Variants in CCNYL1 observed in about 807,000 individuals in gnomAD.
CCNYL1 encodes the protein cyclin-Y-like protein 1.
A neutral mutation model predicts 44.2 loss-of-function variants in CCNYL1; 16 were observed. The ratio of observed to expected loss-of-function variants is 0.36; its 90% confidence interval spans 0.25 to 0.55. CCNYL1 has a LOEUF of 0.55. Ranked by LOEUF, CCNYL1 falls within the 20% of genes least tolerant of loss-of-function variation. CCNYL1 has a pLI of 0.85. For synonymous variants in CCNYL1, 159 were observed against 163.2 expected (o/e 0.97, Z 0.20); for missense variants, 348 against 451.8 (o/e 0.77, Z 2.08).
intron 1 of CCNYL1, among the ~76,000 whole-genome samples, chr2:207,712,910 G>T (rs1037717777): frequency 6.6e-6 from 1 of 152,220 alleles, no homozygotes; most frequent in East Asian, 1.9e-4. Flanking sequence ...CCGCCTCTCG[G>T]TTTCAAGCGA....
At chr2:207,729,250 G>GCCCCCCCCCCCCCCCCCCCCCCCCCCCC in intron 3 of CCNYL1, among the ~76,000 whole-genome samples, 1 of 68,202 alleles carries the variant, frequency 1.5e-5, no homozygotes, top group African/African-American at 8.8e-5. Flanking sequence ...ACTTGTCTCC[G>GCCCCCCCCCCCCCCCCCCCCCCCCCCCC]CCCCCCCCCG....
At chr2:207,724,530 A>C (rs1258359632) in intron 1 of CCNYL1, among the ~76,000 whole-genome samples, 1 of 152,192 alleles carries the variant, frequency 6.6e-6, no homozygotes, top group Non-Finnish European at 1.5e-5. Context: ...CATGCGTATG[A>C]TTCATCTAAC....
chr2:207,734,744 A>C (rs2091752464), intron 4 of CCNYL1, among the ~76,000 whole-genome samples: 3 of 151,960 alleles, frequency 2.0e-5, no homozygotes, highest in African/African-American at 7.3e-5. Context: ...ACTAGCTTAT[A>C]AACTTAATTT....
intron 5 of CCNYL1, among the ~76,000 whole-genome samples, chr2:207,739,671 T>C (rs535313952): frequency 6.6e-6 from 1 of 152,258 alleles, no homozygotes; most frequent in Non-Finnish European, 1.5e-5. Flanking sequence ...AGAATTACTT[T>C]ATGTGAACTT....
chr2:207,746,077 A>G (rs9636269), intron 7 of CCNYL1, among the ~76,000 whole-genome samples: 62,063 of 152,044 alleles, frequency 0.41, 14,689 homozygotes, highest in Non-Finnish European at 0.53. Flanking sequence ...GTAGATGTAA[A>G]ATAATTCATG....
chr2:207,711,745 G>A lies in CCNYL1; in HGVS notation c.-152G>A, dbSNP rs1245735155. 2.6e-6 allele frequency: 1 copy of A among 382,840 alleles called. No homozygotes were observed. Among genetic ancestry groups the A allele is most frequent in the African/African-American group, 2.1e-5 (1 of 47,030 alleles). 23.7% of individuals were successfully genotyped at this position (382,840 alleles called of 1,614,324 possible). On this transcript the variant is annotated 5_prime_UTR_variant, in exon 1 of 10. Coordinates refer to ENST00000295414, the MANE Select transcript of CCNYL1 (RefSeq NM_001330218.2). ...GCCGCGGGGCGGGCGGGCGAACCGC[G>A]GGCGAGGCGGCGTCTGCTTGCGCGG... is the stretch of plus-strand genomic sequence containing the variant.
intron 3 of CCNYL1, 81 bp downstream of exon 3, chr2:207,726,957 G>A (rs901000296): frequency 1.5e-5 from 15 of 990,466 alleles, no homozygotes; most frequent in Non-Finnish European, 2.9e-6. Flanking sequence ...AATATAATGG[G>A]GACCCAATAC....
At chr2:207,742,586 C>A (rs2091819684) in intron 7 of CCNYL1, among the ~76,000 whole-genome samples, 1 of 152,136 alleles carries the variant, frequency 6.6e-6, no homozygotes, top group Non-Finnish European at 1.5e-5. Context: ...TGGTTTCTCC[C>A]CCTACCCATC....
intron 7 of CCNYL1, among the ~76,000 whole-genome samples, chr2:207,743,328 GCCTGTGA>G (rs1273608661): frequency 6.6e-6 from 1 of 152,240 alleles, no homozygotes; most frequent in Non-Finnish European, 1.5e-5. Context: ...AGCTCTATGT[GCCTGTGA>G]GGTAGCAGTG....
intron 4 of CCNYL1, among the ~76,000 whole-genome samples, chr2:207,734,609 G>A (rs933933263): frequency 6.6e-6 from 1 of 152,204 alleles, no homozygotes; most frequent in Admixed American, 6.5e-5. Context: ...CTCCATTGGG[G>A]TTGTCAGGAA....
chr2:207,749,127 T>C (rs2091874958), intron 8 of CCNYL1, among the ~76,000 whole-genome samples: 1 of 152,114 alleles, frequency 6.6e-6, no homozygotes, highest in African/African-American at 2.4e-5. Context: ...TCAGGAGCAG[T>C]GGTGGCAGGG....
In CCNYL1 at chr2:207,755,679, G is replaced by C. The variant is rs2091927074; in HGVS notation, c.*1981G>C. The C allele has an allele frequency of 6.6e-6, 1 of 152,152 alleles. No homozygotes were observed. The highest frequency in any genetic ancestry group is 2.1e-4 in the South Asian group (1 of 4,834). 9.4% of individuals were successfully genotyped at this position (152,152 alleles called of 1,614,324 possible). On this transcript the variant is annotated 3_prime_UTR_variant, in exon 10 of 10. Transcript: ENST00000295414. ...GTTTTATCATCCTACATGCTACCAA[G>C]CTGTAGGTGTCCCATTAAGTCCTGC... is the stretch of plus-strand genomic sequence containing the variant.
intron 8 of CCNYL1, among the ~76,000 whole-genome samples, chr2:207,747,453 T>C (rs1401833368): frequency 6.6e-6 from 1 of 152,180 alleles, no homozygotes; most frequent in African/African-American, 2.4e-5. Context: ...TGTAATAATC[T>C]GCTTGATAAA....
intron 1 of CCNYL1, among the ~76,000 whole-genome samples, chr2:207,722,363 A>G (rs568689381): frequency 1.3e-4 from 19 of 151,826 alleles, no homozygotes; most frequent in Non-Finnish European, 2.6e-4. Context: ...ATGAGCCACC[A>G]TGCCCAGCCG....
At chr2:207,729,377 T>C (rs1228837747) in intron 3 of CCNYL1, among the ~76,000 whole-genome samples, 2 of 150,292 alleles carry the variant, frequency 1.3e-5, no homozygotes, top group Admixed American at 6.6e-5. Context: ...ATCTTTCATC[T>C]TTTTGAAGGT....
chr2:207,712,818 A>C (rs954812016), intron 1 of CCNYL1, among the ~76,000 whole-genome samples: 1 of 152,094 alleles, frequency 6.6e-6, no homozygotes, highest in African/African-American at 2.4e-5. Flanking sequence ...GGTGCAGACA[A>C]GTTGTTTTTT....
At chr2:207,732,607 G>A (rs2091736650) in intron 3 of CCNYL1, among the ~76,000 whole-genome samples, 1 of 150,624 alleles carries the variant, frequency 6.6e-6, no homozygotes, top group East Asian at 2.0e-4. Flanking sequence ...TTTTTTTTAA[G>A]TGTTAAAATT....
In CCNYL1 at chr2:207,719,049, CAAG is replaced by C. The variant is rs149458894; in HGVS notation, c.221-5750_221-5748del. 4.3e-3 allele frequency among the ~76,000 whole-genome samples: 632 copies of C among 147,694 alleles called. 13 individuals carry two copies. In the East Asian group the frequency reaches 0.047, roughly 11 times the overall value. On this transcript the variant is annotated intron_variant, in intron 1 of 9. Transcript: ENST00000295414. ...CCAGGATATGTTACATGAAAAAAAACAAGGAGGAGAATGTACAGTAATGTATGA... is the reference window on the plus strand; with the variant it reads ...CCAGGATATGTTACATGAAAAAAAACGAGGAGAATGTACAGTAATGTATGA...
At chr2:207,713,217 A>G (rs889599368) in intron 1 of CCNYL1, among the ~76,000 whole-genome samples, 2 of 152,250 alleles carry the variant, frequency 1.3e-5, no homozygotes, top group African/African-American at 4.8e-5. Context: ...ACAGACTTCA[A>G]TACCTCCTTG....
Sources: allele counts gnomAD v4.1 joint callset (sites outside exome capture counted in the v4.1 genomes callset), GRCh38; gene constraint gnomAD v4.1.1; transcripts MANE v1.5; gene names NCBI Gene and HGNC (gene_info 2026-07-23, HGNC 2026-07-21).